The following PTPRO variants were observed in gnomAD, a reference collection of about 807,000 sequenced individuals.
PTPRO encodes protein tyrosine phosphatase receptor type O, also known as receptor-type tyrosine-protein phosphatase O.
A neutral mutation model predicts 145.2 loss-of-function variants in PTPRO; 62 were observed. That is an observed-to-expected ratio of 0.43 (90% confidence interval 0.35 to 0.53). The LOEUF (loss-of-function observed/expected upper bound fraction) is 0.53, where lower values mean the gene tolerates loss of function less well. PTPRO is among the 20% of genes least tolerant of loss of function. The pLI is 0.01. For missense variants in PTPRO, 1,345 were observed against 1,482.7 expected, an observed-to-expected ratio of 0.91 and a Z score of 1.53; for synonymous variants, 565 against 514.7, an observed-to-expected ratio of 1.10 and a Z score of -1.32.
chr12:15,528,235 G>A (rs532191209), intron 12 of PTPRO, among the ~76,000 whole-genome samples: 51 of 150,708 alleles, frequency 3.4e-4, no homozygotes, highest in African/African-American at 1.1e-3. Flanking sequence ...AAAAAAAAAA[G>A]GCTGGGCACG....
chr12:15,398,685 A>G (rs974141096), intron 1 of PTPRO, among the ~76,000 whole-genome samples: 7 of 144,572 alleles, frequency 4.8e-5, no homozygotes, highest in Non-Finnish European at 9.1e-5. Context: ...TATTTTACAG[A>G]AACTCTTTTT....
chr12:15,407,749 G>A (rs1222290198), intron 1 of PTPRO, among the ~76,000 whole-genome samples: 1 of 152,136 alleles, frequency 6.6e-6, no homozygotes, highest in Non-Finnish European at 1.5e-5. Flanking sequence ...AAAAGAAGGG[G>A]AAAATGAAAA....
At chr12:15,458,146 AT>A (rs936480114) in intron 1 of PTPRO, among the ~76,000 whole-genome samples, 10 of 151,888 alleles carry the variant, frequency 6.6e-5, no homozygotes, top group African/African-American at 1.7e-4. Context: ...TAGTTGACAG[AT>A]TTTTTTTCTT....
chr12:15,440,842 T>C (rs61908021), intron 1 of PTPRO, among the ~76,000 whole-genome samples: 7,590 of 152,304 alleles, frequency 0.05, 578 homozygotes, highest in African/African-American at 0.16. Flanking sequence ...CTCATAAATA[T>C]GTATGCATCA....
chr12:15,448,123 A>G (rs979786738), intron 1 of PTPRO, among the ~76,000 whole-genome samples: 1 of 152,068 alleles, frequency 6.6e-6, no homozygotes, highest in African/African-American at 2.4e-5. Context: ...CACATGCTGT[A>G]TATCTCATTT....
At chr12:15,516,518 A>AAAGAAAAAG (rs1555172014) in intron 8 of PTPRO, among the ~76,000 whole-genome samples, 96 of 135,188 alleles carry the variant, frequency 7.1e-4, no homozygotes, top group African/African-American at 2.4e-3. Flanking sequence ...AGAAAGAAAG[A>AAAGAAAAAG]AAAAGAAAAG....
chr12:15,490,475 A>G (rs1310640111), intron 2 of PTPRO, among the ~76,000 whole-genome samples: 2 of 152,212 alleles, frequency 1.3e-5, no homozygotes, highest in Non-Finnish European at 2.9e-5. Context: ...ATTTTTTTAT[A>G]CAATTTTCAC....
At chr12:15,345,125 TA>T (rs1867153502) in intron 1 of PTPRO, among the ~76,000 whole-genome samples, 1 of 152,190 alleles carries the variant, frequency 6.6e-6, no homozygotes, top group South Asian at 2.1e-4. Context: ...TCCATATACA[TA>T]AATCACTGGA....
intron 1 of PTPRO, among the ~76,000 whole-genome samples, chr12:15,464,647 C>A (rs1367945881): frequency 1.3e-5 from 2 of 151,924 alleles, no homozygotes; most frequent in Admixed American, 1.3e-4. Context: ...GTATGAGCCA[C>A]CGTGCCCAGC....
At chr12:15,465,823 A>G (rs537648558) in intron 1 of PTPRO, among the ~76,000 whole-genome samples, 2 of 152,276 alleles carry the variant, frequency 1.3e-5, no homozygotes, top group Non-Finnish European at 2.9e-5. Context: ...TGGATGGTAA[A>G]TAGGGGACTA....
At chr12:15,532,725 GA>G (rs1166659257) in intron 12 of PTPRO, among the ~76,000 whole-genome samples, 1 of 152,104 alleles carries the variant, frequency 6.6e-6, no homozygotes, top group Non-Finnish European at 1.5e-5. Flanking sequence ...TTTCTATTAA[GA>G]AAAAAGTTGC....
At chr12:15,351,483 A>G (rs1937801018) in intron 1 of PTPRO, among the ~76,000 whole-genome samples, 1 of 152,122 alleles carries the variant, frequency 6.6e-6, no homozygotes, top group Non-Finnish European at 1.5e-5. Flanking sequence ...CAACCAGCAT[A>G]TGATATTTCA....
chr12:15,364,663 G>A (rs1355994793), intron 1 of PTPRO, among the ~76,000 whole-genome samples: 1 of 152,148 alleles, frequency 6.6e-6, no homozygotes, highest in Non-Finnish European at 1.5e-5. Flanking sequence ...TGACAAGAAA[G>A]GGGGTGGGAT....
At chr12:15,371,791 G>A (rs1270620499) in intron 1 of PTPRO, among the ~76,000 whole-genome samples, 2 of 152,142 alleles carry the variant, frequency 1.3e-5, no homozygotes, top group Non-Finnish European at 2.9e-5. Flanking sequence ...TTTCCCCCAT[G>A]CTGTTCTGAC....
At chr12:15,574,596 C>T (rs1401558245) in intron 19 of PTPRO, among the ~76,000 whole-genome samples, 1 of 152,182 alleles carries the variant, frequency 6.6e-6, no homozygotes, top group African/African-American at 2.4e-5. Flanking sequence ...CCTCTTCTGT[C>T]AACACCACTG....
At chr12:15,493,359 A>C (rs371628517) in intron 2 of PTPRO, among the ~76,000 whole-genome samples, 14 of 152,154 alleles carry the variant, frequency 9.2e-5, no homozygotes, top group African/African-American at 3.1e-4. Context: ...TAATAGATAG[A>C]TTTCAGCAAG....
chr12:15,337,447 A>C (rs1018651576), intron 1 of PTPRO: 2 of 152,136 alleles, frequency 1.3e-5, no homozygotes, highest in Non-Finnish European at 2.9e-5. Context: ...TTCTGGGAAA[A>C]CCGTGATGGA....
At chr12:15,560,628 A>C (rs1447264689) in intron 17 of PTPRO, among the ~76,000 whole-genome samples, 1 of 152,096 alleles carries the variant, frequency 6.6e-6, no homozygotes, top group Non-Finnish European at 1.5e-5. Flanking sequence ...AAGAAGGTAG[A>C]AATGCATTAA....
chr12:15,543,967 A>G (rs1943227267), intron 12 of PTPRO, among the ~76,000 whole-genome samples: 1 of 152,188 alleles, frequency 6.6e-6, no homozygotes, highest in Non-Finnish European at 1.5e-5. Context: ...AGCTGGTTGG[A>G]TAGCATGCAG....
Sources: gnomAD v4.1 joint callset for allele counts (sites outside exome capture counted in the v4.1 genomes callset) on GRCh38, gnomAD v4.1.1 for gene constraint, MANE v1.5 for transcripts, NCBI Gene and HGNC (gene_info 2026-07-23, HGNC 2026-07-21) for gene names.